The following R3HDM2 variants were observed in gnomAD, a reference collection of about 807,000 sequenced individuals.
The protein encoded by R3HDM2 is R3H domain containing 2.
Under a neutral mutation model 124.5 loss-of-function variants are expected in R3HDM2, and 38 were observed. That is an observed-to-expected ratio of 0.31 (90% CI 0.24 to 0.40). R3HDM2 has a LOEUF of 0.40. Ranked by LOEUF, R3HDM2 falls within the 10% of genes least tolerant of loss-of-function variation. R3HDM2 has a pLI of 1.00. For synonymous variants in R3HDM2, 391 were observed against 448.0 expected, an observed-to-expected ratio of 0.87 and a Z score of 1.61; for missense variants, 869 against 1,236.9, an observed-to-expected ratio of 0.70 and a Z score of 4.46.
chr12:57,291,665 A>C (rs887353719), intron 11 of R3HDM2, among the ~76,000 whole-genome samples: 10 of 150,652 alleles, frequency 6.6e-5, no homozygotes, highest in African/African-American at 2.2e-4. Context: ...AAAAAAAAAA[A>C]CAAAAAAAAA....
chr12:57,421,018 G>A (rs972467722), intron 1 of R3HDM2, among the ~76,000 whole-genome samples: 4 of 151,860 alleles, frequency 2.6e-5, no homozygotes, highest in African/African-American at 9.7e-5. Flanking sequence ...ATTTATAAAT[G>A]GAAGTCACTA....
At chr12:57,290,837 C>T (rs766156982) in intron 11 of R3HDM2, among the ~76,000 whole-genome samples, 21 of 152,134 alleles carry the variant, frequency 1.4e-4, no homozygotes, top group Admixed American at 2.0e-4. Context: ...GTCTCGAACT[C>T]CCGAGCTCAG....
intron 2 of R3HDM2, among the ~76,000 whole-genome samples, chr12:57,369,083 T>C (rs1233995210): frequency 6.6e-6 from 1 of 152,166 alleles, no homozygotes; most frequent in East Asian, 1.9e-4. Context: ...CTCCTAGCCT[T>C]TACTCAAGAA....
intron 2 of R3HDM2, among the ~76,000 whole-genome samples, chr12:57,357,354 T>A (rs1432796381): frequency 1.3e-5 from 2 of 150,306 alleles, no homozygotes; most frequent in East Asian, 4.0e-4. Flanking sequence ...CCCAGCTACT[T>A]GGAAGGCTGA....
intron 18 of R3HDM2, among the ~76,000 whole-genome samples, chr12:57,267,189 GAC>G (rs1237625396): frequency 1.3e-5 from 2 of 151,830 alleles, no homozygotes; most frequent in African/African-American, 4.8e-5. Context: ...CACAGACACA[GAC>G]ACAGAGTGCT....
chr12:57,345,014 A>G (rs2059947171), intron 2 of R3HDM2, among the ~76,000 whole-genome samples: 1 of 151,958 alleles, frequency 6.6e-6, no homozygotes, highest in South Asian at 2.1e-4. Context: ...TTGTATTTTT[A>G]GTAGATACTG....
At chr12:57,366,720 C>T (rs1185051820) in intron 2 of R3HDM2, among the ~76,000 whole-genome samples, 2 of 152,046 alleles carry the variant, frequency 1.3e-5, no homozygotes, top group African/African-American at 4.8e-5. Context: ...GACAGAGTCT[C>T]GCTCTGTTGC....
chr12:57,425,783 G>A (rs987228332), intron 1 of R3HDM2, among the ~76,000 whole-genome samples: 10 of 152,242 alleles, frequency 6.6e-5, no homozygotes, highest in Middle Eastern at 3.4e-3. Context: ...GGGAGACACA[G>A]CAAGACTCTC....
chr12:57,360,053 T>C (rs1376508837), intron 2 of R3HDM2, among the ~76,000 whole-genome samples: 2 of 108,222 alleles, frequency 1.8e-5, no homozygotes, highest in Admixed American at 8.8e-5. Flanking sequence ...ATATATTTTT[T>C]TTTTTTTTTT....
At chr12:57,346,248 G>C (rs1255351966) in intron 2 of R3HDM2, among the ~76,000 whole-genome samples, 1 of 151,444 alleles carries the variant, frequency 6.6e-6, no homozygotes. Flanking sequence ...CCTGAGGCTA[G>C]GAGTTCGAGA....
rs544833833 is a variant in R3HDM2, at chr12:57,280,500, T to C, written c.1202A>G (p.Asn401Ser). The C allele has an allele frequency of 1.2e-6, 2 of 1,613,258 alleles. No homozygotes were observed. Among genetic ancestry groups the C allele is most frequent in the South Asian group, 1.1e-5 (1 of 90,986 alleles). Residue 401 changes from asparagine to serine, a missense_variant, in exon 14 of 24, where the codon AAC becomes AGC. By Grantham distance (46) the Asn-to-Ser change is conservative (BLOSUM62 1). Transcript: ENST00000402412. ...GACAGACTGGGATGAGGTGACCTGGTTGCACACTTCTGGGGCACCTAGTGC... is the reference window on the plus strand; with the variant it reads ...GACAGACTGGGATGAGGTGACCTGGCTGCACACTTCTGGGGCACCTAGTGC... ...GMALGAPEVC[N>S]QVTSSQSVRG...
chr12:57,294,364 A>C (rs1446165874), intron 10 of R3HDM2, among the ~76,000 whole-genome samples: 1 of 152,164 alleles, frequency 6.6e-6, no homozygotes, highest in Non-Finnish European at 1.5e-5. Context: ...AAAATGGAGA[A>C]GGGCATCAGG....
At chr12:57,364,009 G>C (rs912060551) in intron 2 of R3HDM2, among the ~76,000 whole-genome samples, 2 of 152,016 alleles carry the variant, frequency 1.3e-5, no homozygotes, top group African/African-American at 4.8e-5. Flanking sequence ...TAGGTTGATA[G>C]GTTTTTTCAT....
At chr12:57,357,900 T>C (rs2061473077) in intron 2 of R3HDM2, among the ~76,000 whole-genome samples, 1 of 152,078 alleles carries the variant, frequency 6.6e-6, no homozygotes, top group Non-Finnish European at 1.5e-5. Context: ...TTATTAATTC[T>C]TTGTTGACAG....
intron 1 of R3HDM2, among the ~76,000 whole-genome samples, chr12:57,409,512 CAA>C (rs71448520): frequency 1.5e-4 from 15 of 98,142 alleles, no homozygotes; most frequent in East Asian, 2.6e-4. Context: ...AGAGGTGGGG[CAA>C]AAAAAAAAAA....
chr12:57,369,683 A>G (rs2063085086), intron 2 of R3HDM2, among the ~76,000 whole-genome samples: 1 of 152,124 alleles, frequency 6.6e-6, no homozygotes, highest in Non-Finnish European at 1.5e-5. Context: ...CTATTACCCT[A>G]TCATCCAACA....
chr12:57,361,522 C>A (rs2061968190), intron 2 of R3HDM2, among the ~76,000 whole-genome samples: 1 of 151,522 alleles, frequency 6.6e-6, no homozygotes, highest in African/African-American at 2.4e-5. Flanking sequence ...ACTGTCACTA[C>A]AAAAATTAAA....
intron 14 of R3HDM2, chr12:57,272,348 T>C (rs1264254265): frequency 2.0e-6 from 2 of 993,524 alleles, no homozygotes; most frequent in African/African-American, 3.2e-5. Context: ...CAATATGCCC[T>C]CCAAAAGCAC....
At chr12:57,262,958 C>T (rs548982416) in intron 19 of R3HDM2, among the ~76,000 whole-genome samples, 2 of 152,226 alleles carry the variant, frequency 1.3e-5, no homozygotes, top group Admixed American at 6.5e-5. Flanking sequence ...GGAAAACAGA[C>T]GATAAAGAGG....
Sources: allele counts gnomAD v4.1 joint callset (sites outside exome capture counted in the v4.1 genomes callset), GRCh38; gene constraint gnomAD v4.1.1; transcripts MANE v1.5; gene names NCBI Gene and HGNC (gene_info 2026-07-23, HGNC 2026-07-21).